PDGFRA: variants seen among roughly 807,000 people sequenced by gnomAD.
PDGFRA encodes platelet-derived growth factor receptor alpha.
In PDGFRA, 25 loss-of-function variants were observed where a neutral mutation model predicts 121.5. That is an observed-to-expected ratio of 0.21 (90% CI 0.15 to 0.29). The LOEUF is 0.29. Among genes scored for constraint, PDGFRA ranks in the 10% least tolerant of loss-of-function variants. The pLI is 1.00. For synonymous variants in PDGFRA, 463 were observed against 494.8 expected (o/e 0.94, Z 0.85); for missense variants, 1,008 against 1,345.1 (o/e 0.75, Z 3.92).
chr4:54,282,033 G>T (rs542660462), intron 16 of PDGFRA: 2 of 925,748 alleles, frequency 2.2e-6, no homozygotes, highest in South Asian at 4.4e-5. Context: ...GAAGATTTTA[G>T]TGTGTGTTTA....
At position 54,274,612 on chromosome 4, in the gene PDGFRA, T is replaced by C. The variant is rs1577726261; in HGVS notation, c.1640T>C (p.Val547Ala). ...IVIISLIVLVVIWKQKPRYEI... is the reference protein window; with the variant it reads ...IVIISLIVLVAIWKQKPRYEI... ...ATCATCTCACTTATTGTCCTGGTTG[T>C]CATTTGGAAACAGGTAGATATTTTC... Residue 547 changes from valine to alanine, a missense_variant, in exon 11 of 23, where the codon GTC becomes GCC. By Grantham distance (64) the Val-to-Ala change is moderately conservative. Coordinates refer to ENST00000257290, the MANE Select transcript of PDGFRA (RefSeq NM_006206.6). 26 of 1,611,702 alleles carry C rather than the reference T, an allele frequency of 1.6e-5. No individual in the cohort carries two copies. The highest frequency in any genetic ancestry group is 2.1e-5 in the Non-Finnish European group (25 of 1,177,858).
chr4:54,243,026 G>C (rs1040898473), intron 1 of PDGFRA, among the ~76,000 whole-genome samples: 1 of 152,148 alleles, frequency 6.6e-6, no homozygotes, highest in African/African-American at 2.4e-5. Context: ...GCTTACATGA[G>C]TGGTTATTAC....
rs369838150 is a variant in PDGFRA, at chr4:54,234,193, G to C, written c.-13+4778G>C. ...ATGGGGATGATGATGGGGATGATGG[G>C]GAGATGTCCCCGAATTCTCCTGGGG... On this transcript the variant is annotated intron_variant, in intron 1 of 22. Transcript: ENST00000257290. Among the ~76,000 whole-genome samples, 17 of 152,072 alleles carry C rather than the reference G, an allele frequency of 1.1e-4. No homozygotes were observed. The East Asian group carries it at 3.1e-3, about 28-fold the overall frequency.
Position 54,237,854 on chromosome 4 carries a change from G to A in PDGFRA, c.-13+8439G>A, listed in dbSNP as rs534886142. ...GCAAGTAGGTGGCACACAGGGGTGG[G>A]ATATGGCTAAAACACTGACCTTCCC... On this transcript the variant is annotated intron_variant, in intron 1 of 22. Transcript: ENST00000257290. 4.6e-5 allele frequency among the ~76,000 whole-genome samples: 7 copies of A among 152,344 alleles called. No homozygotes were observed. The East Asian group carries it at 9.7e-4, about 21-fold the overall frequency.
intron 12 of PDGFRA, among the ~76,000 whole-genome samples, chr4:54,275,661 T>A (rs1340388533): frequency 6.6e-6 from 1 of 152,226 alleles, no homozygotes; most frequent in Non-Finnish European, 1.5e-5. Flanking sequence ...AGGTTTTAAT[T>A]ATCCACCGGT....
chr4:54,261,768 C>G lies in PDGFRA; in HGVS notation c.367+356C>G, dbSNP rs533901767. On this transcript the variant is annotated intron_variant, in intron 3 of 22. Transcript: ENST00000257290. ...GTACACAAAAATTAATAGGTAAGCC[C>G]TGTCTTGGAGTTGCTGATAGTTCAT... Among the ~76,000 whole-genome samples the G allele has an allele frequency of 2.0e-5, 3 of 151,606 alleles. No individual in the cohort carries two copies. The East Asian group carries it at 5.8e-4, about 29-fold the overall frequency.
chr4:54,241,282 T>C (rs1287022349), intron 1 of PDGFRA, among the ~76,000 whole-genome samples: 3 of 152,134 alleles, frequency 2.0e-5, no homozygotes, highest in Non-Finnish European at 4.4e-5. Flanking sequence ...AGGAAAGTTA[T>C]GAATATGAAG....
intron 5 of PDGFRA, among the ~76,000 whole-genome samples, chr4:54,265,995 A>T (rs67600360): frequency 6.6e-6 from 1 of 152,120 alleles, no homozygotes; most frequent in South Asian, 2.1e-4. Context: ...GTCCTGGGGC[A>T]TCTGATAGGA....
intron 1 of PDGFRA, among the ~76,000 whole-genome samples, chr4:54,239,801 G>A (rs1203727876): frequency 6.6e-6 from 1 of 151,872 alleles, no homozygotes; most frequent in Non-Finnish European, 1.5e-5. Flanking sequence ...TCCCTTCTCT[G>A]GGACCTTTTC....
chr4:54,266,921 G>A (rs565446777), intron 5 of PDGFRA, among the ~76,000 whole-genome samples: 4 of 152,312 alleles, frequency 2.6e-5, no homozygotes, highest in East Asian at 1.9e-4. Context: ...GGTTGGGGCT[G>A]CAGTGAGCCA....
intron 20 of PDGFRA, 26 bp downstream of exon 20, chr4:54,288,924 C>T (rs2110345330): frequency 6.4e-7 from 1 of 1,553,382 alleles, no homozygotes; most frequent in Non-Finnish European, 8.9e-7. Flanking sequence ...ATCCCGGGGG[C>T]CTGTGTTCAC....
intron 1 of PDGFRA, chr4:54,230,383 A>G (rs2110160649): frequency 6.6e-6 from 1 of 152,320 alleles, no homozygotes; most frequent in South Asian, 2.1e-4. Flanking sequence ...GATTTGAGGA[A>G]TTTCGAACCG....
rs1722881178 is a variant in PDGFRA, at chr4:54,263,773, T to C, written c.474T>C (p.Pro158=). 6.2e-7 allele frequency: 1 copy of C among 1,614,014 alleles called. No homozygotes were observed. The highest frequency in any genetic ancestry group is 1.7e-5 in the Admixed American group (1 of 59,986). The change falls in exon 4 of 23, where the codon CCT becomes CCC. Residue 158 remains proline, a synonymous_variant. Transcript: ENST00000257290. ...GTCGCACAACTGATCCCGAGACTCC[T>C]GTAACCTTACACAACAGTGAGGGGG... ...IPCRTTDPET[P]VTLHNSEGVV... is the part of the protein sequence containing the mutation.
rs930852806 is a variant in PDGFRA at position 54,270,671 on chromosome 4, A to G, written c.1160A>G (p.Glu387Gly). The G allele has an allele frequency of 6.2e-7, 1 of 1,612,558 alleles. No homozygotes were observed. The highest frequency in any genetic ancestry group is 1.7e-5 in the Admixed American group (1 of 60,030). ...SKLKLIRAKE[E>G]DSGHYTIVAQ... ...TTAAAGCTGATCCGTGCTAAGGAAG[A>G]AGACAGTGGCCATTATACTATTGTA... Residue 387 changes from glutamate (E) to glycine (G), a missense_variant, in exon 8 of 23, where the codon GAA becomes GGA. This residue lies in a region of PDGFRA where 575 missense variants were observed against 701.8 expected (regional missense o/e 0.82). Coordinates refer to ENST00000257290, the MANE Select transcript of PDGFRA (RefSeq NM_006206.6).
At chr4:54,293,063 G>C (rs1312655795) in intron 22 of PDGFRA, among the ~76,000 whole-genome samples, 2 of 152,076 alleles carry the variant, frequency 1.3e-5, no homozygotes, top group Non-Finnish European at 2.9e-5. Flanking sequence ...CACTTGTTTT[G>C]TTCTGTCTGA....
intron 1 of PDGFRA, among the ~76,000 whole-genome samples, chr4:54,253,613 T>C (rs1722186675): frequency 1.3e-5 from 2 of 152,208 alleles, no homozygotes; most frequent in Admixed American, 6.5e-5. Flanking sequence ...ATGAGAGAAG[T>C]AATTATGATT....
At chr4:54,240,364 C>T (rs575072516) in intron 1 of PDGFRA, among the ~76,000 whole-genome samples, 1 of 152,182 alleles carries the variant, frequency 6.6e-6, no homozygotes, top group African/African-American at 2.4e-5. Context: ...TTGGGTTTCA[C>T]TATTGGCCAC....
At chr4:54,290,697 A>C (rs1470175986) in intron 22 of PDGFRA, 143 bp downstream of exon 22, 1 of 936,222 alleles carries the variant, frequency 1.1e-6, no homozygotes, top group Non-Finnish European at 1.7e-6. Context: ...CAGGAGGTCC[A>C]CGTGGTTTTG....
intron 21 of PDGFRA, 40 bp downstream of exon 21, chr4:54,289,154 T>A: frequency 2.6e-6 from 3 of 1,152,706 alleles, no homozygotes; most frequent in Non-Finnish European, 3.9e-6. Flanking sequence ...TGGATAAAGC[T>A]GGAAGTTATA....
Sources: allele counts gnomAD v4.1 joint callset (sites outside exome capture counted in the v4.1 genomes callset), GRCh38; gene constraint gnomAD v4.1.1; regional missense constraint gnomAD v4.1.1; transcripts MANE v1.5; gene names NCBI Gene and HGNC (gene_info 2026-07-23, HGNC 2026-07-21).